The following ATP2B4 variants were observed in gnomAD, a reference collection of about 807,000 sequenced individuals.
ATP2B4 encodes the protein plasma membrane calcium-transporting ATPase 4.
ATP2B4 carries 39 observed loss-of-function variants against 110.3 expected under a neutral mutation model. The observed-to-expected ratio is 0.35, with a 90% CI of 0.27 to 0.46. The LOEUF (loss-of-function observed/expected upper bound fraction) is 0.46. Ranked by LOEUF, ATP2B4 falls within the 20% of genes least tolerant of loss-of-function variation. The pLI is 1.00. For synonymous variants in ATP2B4, 538 were observed against 571.7 expected (o/e 0.94, Z 0.84); for missense variants, 1,135 against 1,530.9 (o/e 0.74, Z 4.32).
At chr1:203,736,733 A>G (rs1666887494) in intron 20 of ATP2B4, among the ~76,000 whole-genome samples, 1 of 152,128 alleles carries the variant, frequency 6.6e-6, no homozygotes, top group Non-Finnish European at 1.5e-5. Context: ...CACCTTCTTC[A>G]CTAGCCCTGT....
chr1:203,717,626 T>TTTTTTTTA (rs1666197321), intron 15 of ATP2B4, among the ~76,000 whole-genome samples: 5 of 144,226 alleles, frequency 3.5e-5, no homozygotes, highest in African/African-American at 1.3e-4. Context: ...ATGGTATTTA[T>TTTTTTTTA]TTTATTTATT....
intron 1 of ATP2B4, among the ~76,000 whole-genome samples, chr1:203,667,444 C>A (rs973996638): frequency 1.3e-5 from 2 of 152,244 alleles, no homozygotes; most frequent in African/African-American, 4.8e-5. Flanking sequence ...GTGGCCTATA[C>A]TTATTTTTCC....
At chr1:203,683,666 C>CTTTTTTTTTTTTTTTTTTTTT (rs11326748) in intron 2 of ATP2B4, among the ~76,000 whole-genome samples, 3 of 77,710 alleles carry the variant, frequency 3.9e-5, no homozygotes, top group Non-Finnish European at 7.1e-5. Flanking sequence ...TCTTTTGTTT[C>CTTTTTTTTTTTTTTTTTTTTT]TTTTTTTTTT....
intron 1 of ATP2B4, among the ~76,000 whole-genome samples, chr1:203,660,539 C>T (rs1198873420): frequency 5.9e-5 from 9 of 152,030 alleles, no homozygotes; most frequent in Non-Finnish European, 4.4e-5. Context: ...CAGTGGCTCA[C>T]GCCTGTAATT....
In ATP2B4 at chr1:203,678,420, G is replaced by A. The variant is rs1664894458; in HGVS notation, c.-464-4322G>A. 3.2e-5 allele frequency among the ~76,000 whole-genome samples: 4 copies of A among 124,192 alleles called. No homozygotes were observed. The South Asian group carries it at 1.1e-3, about 34-fold the overall frequency. 81.5% of individuals were successfully genotyped at this position (124,192 alleles called of 152,430 possible). ...TTTTTTTTTTTTTTTTTTGAAGTCA[G>A]GGTCCCACTTGGTTTGCCCAGGCTG... On this transcript the variant is annotated intron_variant, in intron 1 of 20. Coordinates refer to ENST00000357681, the MANE Select transcript of ATP2B4 (RefSeq NM_001684.5).
intron 1 of ATP2B4, chr1:203,657,164 T>G: frequency 1.2e-6 from 1 of 821,496 alleles, no homozygotes; most frequent in Non-Finnish European, 2.1e-6. Flanking sequence ...ACACCAAGTA[T>G]TGGTGGGCAA....
chr1:203,635,488 A>C (rs1476560091), intron 1 of ATP2B4, among the ~76,000 whole-genome samples: 1 of 151,570 alleles, frequency 6.6e-6, no homozygotes, highest in Non-Finnish European at 1.5e-5. Flanking sequence ...ACATAGGAAG[A>C]CTCCACCTCT....
chr1:203,683,768 G>T (rs1665092771), intron 2 of ATP2B4, among the ~76,000 whole-genome samples: 1 of 149,598 alleles, frequency 6.7e-6, no homozygotes, highest in Admixed American at 6.7e-5. Context: ...CAACCTCCTG[G>T]GCTGAAGCCA....
chr1:203,718,536 G>A (rs1197541005), intron 15 of ATP2B4, among the ~76,000 whole-genome samples: 4 of 152,118 alleles, frequency 2.6e-5, no homozygotes, highest in Non-Finnish European at 5.9e-5. Context: ...CTACCCTCAA[G>A]TGATCTGCCC....
At chr1:203,702,201 A>T in intron 7 of ATP2B4, 122 bp downstream of exon 7, 2 of 1,297,916 alleles carry the variant, frequency 1.5e-6, no homozygotes, top group Non-Finnish European at 2.2e-6. Flanking sequence ...TGTGGCTCAG[A>T]TGCCTCATCC....
At chr1:203,682,281 A>AG (rs1665038674) in intron 1 of ATP2B4, among the ~76,000 whole-genome samples, 1 of 152,004 alleles carries the variant, frequency 6.6e-6, no homozygotes, top group African/African-American at 2.4e-5. Context: ...TGGGAGAGGA[A>AG]GGCAGACTGA....
intron 1 of ATP2B4, among the ~76,000 whole-genome samples, chr1:203,643,879 G>C (rs1466592116): frequency 6.6e-6 from 1 of 152,244 alleles, no homozygotes; most frequent in Non-Finnish European, 1.5e-5. Context: ...TACTTGAAAG[G>C]AGAGTGATGC....
At chr1:203,667,394 G>A (rs1224915305) in intron 1 of ATP2B4, among the ~76,000 whole-genome samples, 1 of 152,194 alleles carries the variant, frequency 6.6e-6, no homozygotes, top group Non-Finnish European at 1.5e-5. Flanking sequence ...GAGTGGATAT[G>A]GGCAGCATTC....
chr1:203,701,089 A>G (rs1316799307), intron 6 of ATP2B4, among the ~76,000 whole-genome samples, 166 bp downstream of exon 6: 1 of 151,872 alleles, frequency 6.6e-6, no homozygotes, highest in Non-Finnish European at 1.5e-5. Context: ...CCTTGGCTCC[A>G]GGGAGCTCTG....
At position 203,713,240 on chromosome 1, in the gene ATP2B4, A is replaced by T; in HGVS notation, c.2287A>T (p.Thr763Ser). The T allele has an allele frequency of 6.2e-7, 1 of 1,614,120 alleles. No homozygotes were observed. Among genetic ancestry groups the T allele is most frequent in the Non-Finnish European group, 8.5e-7 (1 of 1,180,014 alleles). Residue 763 changes from threonine (T) to serine (S), a missense_variant, in exon 14 of 21, where the codon ACC becomes TCC. Transcript: ENST00000357681. ...GCGATCTTCTCCCACTGACAAGCAC[A>T]CCCTGGTGAAAGGTGAGGTTGGCTT... ...LARSSPTDKHTLVKGIIDSTV... is the reference protein window; with the variant it reads ...LARSSPTDKHSLVKGIIDSTV...
chr1:203,723,346 C>G (rs1055828362), intron 18 of ATP2B4, among the ~76,000 whole-genome samples: 1 of 149,562 alleles, frequency 6.7e-6, no homozygotes, highest in Non-Finnish European at 1.5e-5. Context: ...CTCAAGCAAT[C>G]CTCCCGCCTC....
chr1:203,670,495 C>T (rs1469640350), intron 1 of ATP2B4, among the ~76,000 whole-genome samples: 1 of 152,180 alleles, frequency 6.6e-6, no homozygotes, highest in Non-Finnish European at 1.5e-5. Flanking sequence ...ATACTCTTAA[C>T]CTAGGAAGAG....
chr1:203,633,338 T>C (rs1663333245), intron 1 of ATP2B4, among the ~76,000 whole-genome samples: 1 of 152,186 alleles, frequency 6.6e-6, no homozygotes, highest in African/African-American at 2.4e-5. Flanking sequence ...CCTCACTCTG[T>C]AATCCTACCA....
At chr1:203,688,293 G>T (rs908589543) in intron 2 of ATP2B4, among the ~76,000 whole-genome samples, 1 of 149,544 alleles carries the variant, frequency 6.7e-6, no homozygotes, top group Non-Finnish European at 1.5e-5. Context: ...ATGTTTTTTT[G>T]TTGTTGTTTT....
Sources: allele counts gnomAD v4.1 joint callset (sites outside exome capture counted in the v4.1 genomes callset), GRCh38; gene constraint gnomAD v4.1.1; transcripts MANE v1.5; gene names NCBI Gene and HGNC (gene_info 2026-07-23, HGNC 2026-07-21).